Variants in BDNF observed in about 807,000 individuals in gnomAD.
BDNF encodes the protein neurotrophic factor BDNF precursor form.
In BDNF, 1 loss-of-function variant was observed where a neutral mutation model predicts 19.5. That is an observed-to-expected ratio of 0.05 (90% CI 0.02 to 0.24). The LOEUF (loss-of-function observed/expected upper bound fraction) is 0.24. BDNF is among the 10% of genes least tolerant of loss of function. The pLI is 1.00. For synonymous variants in BDNF, 100 were observed against 121.6 expected, an observed-to-expected ratio of 0.82 and a Z score of 1.17; for missense variants, 195 against 317.6, an observed-to-expected ratio of 0.61 and a Z score of 2.93.
chr11:27,665,246 A>G (rs113379275), intron 1 of BDNF: 3 of 152,290 alleles, frequency 2.0e-5, no homozygotes, highest in Non-Finnish European at 2.9e-5. Context: ...ATAATTTCCA[A>G]TTTGTTCCAT....
chr11:27,679,272 T>C (rs1856568175), intron 1 of BDNF, among the ~76,000 whole-genome samples: 1 of 152,198 alleles, frequency 6.6e-6, no homozygotes, highest in Admixed American at 6.5e-5. Flanking sequence ...GCAGACCATG[T>C]TTCCATATAG....
In BDNF at chr11:27,658,738, A is replaced by T; in HGVS notation, c.-21-153T>A. ...ATAAACTCCAGCTGCACCAGACACA[A>T]ATCAGTGTCAGTAGTGTGCTGTATG... is the stretch of plus-strand genomic sequence containing the variant. On this transcript the variant is annotated intron_variant, in intron 1 of 1. Coordinates refer to ENST00000356660, the MANE Select transcript of BDNF (RefSeq NM_001709.5). The surrounding 1 kb of genome is among the most constrained non-coding windows in gnomAD (Gnocchi z 5.7). The T allele has an allele frequency of 6.5e-7, 1 of 1,536,734 alleles. No individual in the cohort carries two copies. Among genetic ancestry groups the T allele is most frequent in the Non-Finnish European group, 8.8e-7 (1 of 1,141,864 alleles).
intron 1 of BDNF, chr11:27,720,827 G>A (rs1860718450): frequency 1.0e-6 from 1 of 976,414 alleles, no homozygotes; most frequent in African/African-American, 1.8e-5. Context: ...ACGTGCGGAT[G>A]GCTTTGCCAA....
At chr11:27,676,417 A>ATT (rs973775092) in intron 1 of BDNF, among the ~76,000 whole-genome samples, 2 of 147,636 alleles carry the variant, frequency 1.4e-5, no homozygotes, top group Admixed American at 1.4e-4. Context: ...ACTGAAGGGG[A>ATT]TTTTTTTTTT....
intron 1 of BDNF, among the ~76,000 whole-genome samples, chr11:27,694,707 A>G (rs1271886540): frequency 6.6e-6 from 1 of 151,614 alleles, no homozygotes; most frequent in Non-Finnish European, 1.5e-5. Context: ...TGTGTGTTTA[A>G]AATCTTGCTT....
At chr11:27,720,844 C>T (rs1860719354) in intron 1 of BDNF, 2 of 894,116 alleles carry the variant, frequency 2.2e-6, no homozygotes, top group Non-Finnish European at 2.7e-6. Context: ...CCAAAGCCAT[C>T]CTGTTAATAG....
At chr11:27,681,613 A>G (rs1278036886) in intron 1 of BDNF, among the ~76,000 whole-genome samples, 2 of 151,722 alleles carry the variant, frequency 1.3e-5, no homozygotes, top group African/African-American at 4.8e-5. Flanking sequence ...CATGAGACTC[A>G]GAGAATTACA....
chr11:27,710,579 T>C (rs1256651280), intron 1 of BDNF, among the ~76,000 whole-genome samples: 2 of 152,216 alleles, frequency 1.3e-5, no homozygotes, highest in Non-Finnish European at 2.9e-5. Flanking sequence ...ATAAACATTC[T>C]AGTCCCCAAC....
intron 1 of BDNF, among the ~76,000 whole-genome samples, chr11:27,694,919 A>G (rs905597648): frequency 1.3e-5 from 2 of 152,228 alleles, no homozygotes; most frequent in Non-Finnish European, 2.9e-5. Flanking sequence ...ATATCCATGA[A>G]AATAATAAAT....
chr11:27,657,675 T>C lies in BDNF; in HGVS notation c.*146A>G. 1.4e-6 allele frequency: 2 copies of C among 1,449,998 alleles called. No homozygotes were observed. Among genetic ancestry groups the C allele is most frequent in the South Asian group, 3.0e-5 (2 of 67,210 alleles). 89.8% of individuals were successfully genotyped at this position (1,449,998 alleles called of 1,614,324 possible). On this transcript the variant is annotated 3_prime_UTR_variant, in exon 2 of 2. Transcript: ENST00000356660. The surrounding 1 kb of genome is among the most constrained non-coding windows in gnomAD (Gnocchi z 5.0). The stretch of plus-strand genomic sequence containing the variant: ...ATGGACATGTCCAATAAATAGATTG[T>C]AGAACCACTGTACTGTATAAACTTC...
In BDNF at chr11:27,656,846, T is replaced by C; in HGVS notation, c.*975A>G. ...TCACTGTTCTCCATGCTTATACGAG[T>C]GTCATGATGTGACACAATGTGTTCA... On this transcript the variant is annotated 3_prime_UTR_variant, in exon 2 of 2. Transcript: ENST00000356660. 5 of 985,328 alleles carry C rather than the reference T, an allele frequency of 5.1e-6. No individual in the cohort carries two copies. The highest frequency in any genetic ancestry group is 6.0e-6 in the Non-Finnish European group (5 of 829,928). The allele number at this position is 985,328 out of a possible 1,614,324, so 61.0% of individuals were successfully genotyped here.
chr11:27,677,749 A>G (rs939996707), intron 1 of BDNF: 1 of 152,206 alleles, frequency 6.6e-6, no homozygotes, highest in Non-Finnish European at 1.5e-5. Context: ...TGATTTTTGA[A>G]TAATGTAAAT....
chr11:27,691,758 A>G (rs1858327720), intron 1 of BDNF, among the ~76,000 whole-genome samples: 1 of 152,168 alleles, frequency 6.6e-6, no homozygotes, highest in African/African-American at 2.4e-5. Context: ...TATTAAAGAA[A>G]AAAAGTAACT....
At chr11:27,682,712 T>C (rs1856999338) in intron 1 of BDNF, among the ~76,000 whole-genome samples, 1 of 152,154 alleles carries the variant, frequency 6.6e-6, no homozygotes, top group East Asian at 1.9e-4. Context: ...TCCAGCTTCA[T>C]CCATGTCCCT....
rs376210031 is a variant in BDNF at position 27,686,519 on chromosome 11, TC to T, written c.-22+13644del. On this transcript the variant is annotated intron_variant, in intron 1 of 1. Coordinates refer to ENST00000356660, the MANE Select transcript of BDNF (RefSeq NM_001709.5). ...AATGGTCTTTACAATTTGGTATGTT[TC>T]TGCAGTGGCTGGTACCGGTTTTTCC... Among the ~76,000 whole-genome samples the T allele has an allele frequency of 8.5e-5, 13 of 152,352 alleles. 1 individual carries two copies. Among genetic ancestry groups the T allele is most frequent in the African/African-American group, 3.1e-4 (13 of 41,588 alleles).
chr11:27,720,112 G>A (rs1169459829), intron 1 of BDNF, among the ~76,000 whole-genome samples: 3 of 152,084 alleles, frequency 2.0e-5, no homozygotes, highest in Non-Finnish European at 4.4e-5. Context: ...ACATTTGCAG[G>A]TCCAAGTTAA....
At chr11:27,703,310 C>T (rs185677712), upstream of BDNF, among the ~76,000 whole-genome samples, 1 of 152,236 alleles carries the variant, frequency 6.6e-6, no homozygotes, top group East Asian at 1.9e-4. Flanking sequence ...AATACTTGTA[C>T]TACATTATAA....
chr11:27,717,265 A>T (rs1210082380), intron 1 of BDNF, among the ~76,000 whole-genome samples: 1 of 152,226 alleles, frequency 6.6e-6, no homozygotes, highest in Non-Finnish European at 1.5e-5. Flanking sequence ...ACTTGCTTTT[A>T]AAATCCCCAC....
chr11:27,687,147 T>C lies in BDNF; in HGVS notation c.-22+13017A>G, dbSNP rs929776041. Among the ~76,000 whole-genome samples, 17 of 152,336 alleles carry C rather than the reference T, an allele frequency of 1.1e-4. 1 individual carries two copies. The highest frequency in any genetic ancestry group is 6.8e-3 in the Middle Eastern group (2 of 294). On this transcript the variant is annotated intron_variant, in intron 1 of 1. Coordinates refer to ENST00000356660, the MANE Select transcript of BDNF (RefSeq NM_001709.5). Reference sequence around the variant, plus strand: ...TCTAATCTTGTCTTCATGCTTTATTTCATTAAATTGATCTTCAATCTCTGA... The same window carrying C: ...TCTAATCTTGTCTTCATGCTTTATTCCATTAAATTGATCTTCAATCTCTGA...
Sources: allele counts gnomAD v4.1 joint callset (sites outside exome capture counted in the v4.1 genomes callset), GRCh38; gene constraint gnomAD v4.1.1; non-coding constraint Gnocchi (gnomAD v3.1); transcripts MANE v1.5; gene names NCBI Gene and HGNC (gene_info 2026-07-23, HGNC 2026-07-21).